Variants in CSGALNACT2 observed in about 807,000 individuals in gnomAD.
The protein encoded by CSGALNACT2 is beta 4 GalNAcT-2.
In CSGALNACT2, 35 loss-of-function variants were observed where a neutral mutation model predicts 55.3. The observed-to-expected ratio is 0.63, with a 90% CI of 0.48 to 0.84. The LOEUF is 0.84. CSGALNACT2 is among the 40% of genes least tolerant of loss of function. The pLI, the probability that CSGALNACT2 is intolerant of heterozygous loss-of-function variation, is 0.00. For synonymous variants in CSGALNACT2, 196 were observed against 224.9 expected, an observed-to-expected ratio of 0.87 and a Z score of 1.15; for missense variants, 544 against 657.5, an observed-to-expected ratio of 0.83 and a Z score of 1.89.
intron 7 of CSGALNACT2, 125 bp downstream of exon 7, chr10:43,176,157 A>G: frequency 1.6e-6 from 1 of 637,202 alleles, no homozygotes; most frequent in Non-Finnish European, 2.6e-6. Flanking sequence ...AGCTAAAAAG[A>G]GAAACTGGAT....
Position 43,155,236 on chromosome 10 carries a change from G to A in CSGALNACT2, c.87G>A (p.Met29Ile), listed in dbSNP as rs1838967762. ...TGCTCTGCAGTTTGGTATTATTTAT[G>A]TACCTCCTGGAATGTGCCCCCCAGA... is the stretch of plus-strand genomic sequence containing the variant. ...LALLCSLVLF[M>I]YLLECAPQTD... The change falls in exon 2 of 8, where the codon ATG becomes ATA. Residue 29 changes from methionine (M) to isoleucine (I), a missense_variant. Coordinates refer to ENST00000374466, the MANE Select transcript of CSGALNACT2 (RefSeq NM_018590.5). 1 of 1,613,956 alleles carries A rather than the reference G, an allele frequency of 6.2e-7. No homozygotes were observed. The highest frequency in any genetic ancestry group is 8.5e-7 in the Non-Finnish European group (1 of 1,180,014).
chr10:43,141,542 G>C (rs982694084), intron 1 of CSGALNACT2, among the ~76,000 whole-genome samples: 1 of 128,434 alleles, frequency 7.8e-6, no homozygotes, highest in Non-Finnish European at 1.6e-5. Context: ...TTAGCAGTAT[G>C]GTAGTGCACA....
At chr10:43,182,380 C>T (rs1839605119) in intron 7 of CSGALNACT2, among the ~76,000 whole-genome samples, 1 of 152,148 alleles carries the variant, frequency 6.6e-6, no homozygotes, top group Non-Finnish European at 1.5e-5. Context: ...CTTTCTTTAC[C>T]TCTATTTAAC....
At chr10:43,139,388 C>T (rs1838568679) in intron 1 of CSGALNACT2, among the ~76,000 whole-genome samples, 1 of 152,136 alleles carries the variant, frequency 6.6e-6, no homozygotes, top group African/African-American at 2.4e-5. Context: ...TGTCATGTAA[C>T]TAAAAGAATG....
At chr10:43,161,223 G>A (rs939675659) in intron 4 of CSGALNACT2, among the ~76,000 whole-genome samples, 1 of 152,242 alleles carries the variant, frequency 6.6e-6, no homozygotes, top group South Asian at 2.1e-4. Context: ...CAAAGATAAC[G>A]ACTTAACTGC....
Position 43,155,373 on chromosome 10 carries a change from T to G in CSGALNACT2, c.224T>G (p.Leu75Arg). The change falls in exon 2 of 8, where the codon CTG (leucine) becomes CGG (arginine). Residue 75 changes from leucine (L) to arginine (R), a missense_variant. Leu to Arg is a moderately radical substitution (Grantham distance 102). Around this residue, in one of 2 missense-constraint regions of CSGALNACT2, gnomAD observed 374 missense variants for 401.3 expected, o/e 0.93. Coordinates refer to ENST00000374466, the MANE Select transcript of CSGALNACT2 (RefSeq NM_018590.5). ...CATTATCAGACCAGGGCAACCAGTC[T>G]GAAACGCCAAATTGCCCAACTAAAA... ...EEHYQTRATS[L>R]KRQIAQLKQE... 6.2e-7 allele frequency: 1 copy of G among 1,614,176 alleles called. No homozygotes were observed. Among genetic ancestry groups the G allele is most frequent in the Non-Finnish European group, 8.5e-7 (1 of 1,180,024 alleles).
At chr10:43,162,196 G>A in intron 4 of CSGALNACT2, 1 of 519,288 alleles carries the variant, frequency 1.9e-6, no homozygotes, top group South Asian at 1.4e-5. Context: ...TTCTCCTGTT[G>A]CAGATTGGCT....
chr10:43,152,404 TAAC>T (rs1838895259), intron 1 of CSGALNACT2, among the ~76,000 whole-genome samples: 1 of 117,666 alleles, frequency 8.5e-6, no homozygotes, highest in Non-Finnish European at 1.8e-5. Flanking sequence ...TCATTTTTAA[TAAC>T]CACAGAATTA....
At chr10:43,159,009 T>G in intron 3 of CSGALNACT2, 78 bp downstream of exon 3, 1 of 786,594 alleles carries the variant, frequency 1.3e-6, no homozygotes, top group Admixed American at 2.2e-5. Flanking sequence ...TTAATTTATC[T>G]TCACCGATTA....
At chr10:43,151,486 C>T (rs769503895) in intron 1 of CSGALNACT2, among the ~76,000 whole-genome samples, 2 of 152,158 alleles carry the variant, frequency 1.3e-5, no homozygotes, top group Non-Finnish European at 2.9e-5. Flanking sequence ...TCCAGTCTGT[C>T]TGTTGGGAAC....
chr10:43,146,484 A>G (rs1838750970), intron 1 of CSGALNACT2, among the ~76,000 whole-genome samples: 1 of 152,214 alleles, frequency 6.6e-6, no homozygotes, highest in Admixed American at 6.5e-5. Flanking sequence ...CCACTGACTC[A>G]AATGTTAATT....
At chr10:43,159,335 A>C (rs11238457) in intron 3 of CSGALNACT2, among the ~76,000 whole-genome samples, 8 of 151,026 alleles carry the variant, frequency 5.3e-5, no homozygotes, top group African/African-American at 2.0e-4. Flanking sequence ...GTCTCACTCT[A>C]TCACCCAGGC....
chr10:43,155,511 T>C lies in CSGALNACT2; in HGVS notation c.362T>C (p.Leu121Ser), dbSNP rs1838979053. The change falls in exon 2 of 8, where the codon TTA becomes TCA. Residue 121 changes from leucine to serine, a missense_variant. Physicochemically the swap from Leu to Ser is moderately radical, Grantham distance 145 (BLOSUM62 -2). Around this residue, in one of 2 missense-constraint regions of CSGALNACT2, gnomAD observed 374 missense variants for 401.3 expected, o/e 0.93. Coordinates refer to ENST00000374466, the MANE Select transcript of CSGALNACT2 (RefSeq NM_018590.5). ...SNKEQAPSDLLEFLHSQIDKA... is the reference protein window; with the variant it reads ...SNKEQAPSDLSEFLHSQIDKA... ...AAAGAGCAAGCACCTAGTGATCTTT[T>C]AGAGTTTCTTCATTCCCAAATTGAC... 1.2e-6 allele frequency: 2 copies of C among 1,614,230 alleles called. No homozygotes were observed. The highest frequency in any genetic ancestry group is 1.7e-6 in the Non-Finnish European group (2 of 1,180,042).
chr10:43,145,438 AG>A (rs1406638445), intron 1 of CSGALNACT2, among the ~76,000 whole-genome samples: 1 of 112,340 alleles, frequency 8.9e-6, no homozygotes, highest in Non-Finnish European at 1.7e-5. Flanking sequence ...TTTTTTTAAG[AG>A]ACAGGGCTAG....
chr10:43,175,174 A>G (rs1839454565), intron 6 of CSGALNACT2, among the ~76,000 whole-genome samples: 1 of 152,218 alleles, frequency 6.6e-6, no homozygotes. Flanking sequence ...TTCTGCTGCA[A>G]CTACTCAACT....
intron 3 of CSGALNACT2, among the ~76,000 whole-genome samples, chr10:43,159,839 G>T (rs1412292741): frequency 6.6e-6 from 1 of 152,030 alleles, no homozygotes; most frequent in African/African-American, 2.4e-5. Flanking sequence ...TAATGTTTTA[G>T]ATACTTTGAT....
chr10:43,167,392 T>TAAAA (rs1375723776), intron 6 of CSGALNACT2, among the ~76,000 whole-genome samples: 1,772 of 152,232 alleles, frequency 0.012, 35 homozygotes, highest in African/African-American at 0.04. Context: ...CCAGCTTATT[T>TAAAA]TTACTAATAC....
At chr10:43,150,106 A>C (rs1203638183) in intron 1 of CSGALNACT2, among the ~76,000 whole-genome samples, 1 of 152,242 alleles carries the variant, frequency 6.6e-6, no homozygotes, top group South Asian at 2.1e-4. Context: ...TGTTTGGTAC[A>C]TTCCACCAGT....
At chr10:43,174,173 C>A (rs1366847361) in intron 6 of CSGALNACT2, among the ~76,000 whole-genome samples, 1 of 151,214 alleles carries the variant, frequency 6.6e-6, no homozygotes, top group Non-Finnish European at 1.5e-5. Flanking sequence ...GCTTTACATT[C>A]TAGAAGGGGA....
Sources: gnomAD v4.1 joint callset for allele counts (sites outside exome capture counted in the v4.1 genomes callset) on GRCh38, gnomAD v4.1.1 for gene constraint, gnomAD v4.1.1 regional missense constraint, MANE v1.5 for transcripts, NCBI Gene and HGNC (gene_info 2026-07-23, HGNC 2026-07-21) for gene names.